Variants in CSMD1 observed in about 807,000 individuals in gnomAD.
The protein encoded by CSMD1 is CUB and Sushi multiple domains 1, also known as CUB and sushi domain-containing protein 1.
Under a neutral mutation model 417.5 loss-of-function variants are expected in CSMD1, and 213 were observed. The ratio of observed to expected loss-of-function variants is 0.51; its 90% CI spans 0.46 to 0.57. The LOEUF is 0.57. CSMD1 is among the 20% of genes least tolerant of loss of function. CSMD1 has a pLI of 0.00. For missense variants in CSMD1, 6,923 were observed against 4,529.7 expected (o/e 1.53, Z -15.17); for synonymous variants, 2,862 against 1,736.8 (o/e 1.65, Z -16.11).
rs565866319 is a variant in CSMD1, at chr8:4,350,862, T to C, written c.415+69091A>G. 2.5e-4 allele frequency among the ~76,000 whole-genome samples: 38 copies of C among 152,328 alleles called. No homozygotes were observed. The South Asian group carries it at 3.5e-3, about 14-fold the overall frequency. On this transcript the variant is annotated intron_variant, in intron 3 of 69. Transcript: ENST00000635120. Reference sequence around the variant, plus strand: ...TGGAGACACTATCTGCCAGTGGCTCTAGTTCCGGTGGATGGAGGGGAAAGG... The same window carrying C: ...TGGAGACACTATCTGCCAGTGGCTCCAGTTCCGGTGGATGGAGGGGAAAGG...
intron 10 of CSMD1, among the ~76,000 whole-genome samples, chr8:3,558,019 T>C (rs1293667410): frequency 6.6e-6 from 1 of 151,772 alleles, no homozygotes; most frequent in African/African-American, 2.4e-5. Context: ...CCTCCAATGA[T>C]GAATGGTGCC....
At chr8:3,672,117 G>C (rs1799101552) in intron 7 of CSMD1, among the ~76,000 whole-genome samples, 1 of 152,140 alleles carries the variant, frequency 6.6e-6, no homozygotes, top group Non-Finnish European at 1.5e-5. Flanking sequence ...TTCAAGGTTA[G>C]GTGCTGTCTA....
At chr8:4,117,989 G>A (rs188871324) in intron 3 of CSMD1, among the ~76,000 whole-genome samples, 36 of 151,590 alleles carry the variant, frequency 2.4e-4, no homozygotes, top group Admixed American at 2.1e-3. Flanking sequence ...ACAAGAGCAG[G>A]CACATGAGAA....
chr8:3,662,948 G>A (rs1165646352), intron 7 of CSMD1, among the ~76,000 whole-genome samples: 1 of 152,092 alleles, frequency 6.6e-6, no homozygotes, highest in Non-Finnish European at 1.5e-5. Flanking sequence ...TGGCACATGT[G>A]TTCCTATGTA....
At chr8:3,115,184 A>G (rs1365882810) in intron 42 of CSMD1, among the ~76,000 whole-genome samples, 1 of 147,168 alleles carries the variant, frequency 6.8e-6, no homozygotes, top group African/African-American at 2.6e-5. Context: ...TCATATTTTA[A>G]CAATTACAAT....
chr8:4,585,118 T>C (rs1344083785), intron 2 of CSMD1, among the ~76,000 whole-genome samples: 1 of 143,602 alleles, frequency 7.0e-6, no homozygotes, highest in Non-Finnish European at 1.5e-5. Context: ...AAAAGTACAA[T>C]AGAAAGAGAC....
At chr8:3,903,929 G>T (rs1414741219) in intron 5 of CSMD1, among the ~76,000 whole-genome samples, 1 of 151,872 alleles carries the variant, frequency 6.6e-6, no homozygotes, top group Admixed American at 6.6e-5. Context: ...TACCTCTTTG[G>T]TTCACTATTT....
intron 5 of CSMD1, among the ~76,000 whole-genome samples, chr8:3,835,439 AC>A (rs923746483): frequency 7.2e-5 from 11 of 152,092 alleles, no homozygotes; most frequent in Non-Finnish European, 1.5e-4. Flanking sequence ...GAAAGTGGAA[AC>A]CATCATTCTC....
intron 3 of CSMD1, among the ~76,000 whole-genome samples, chr8:4,107,049 A>T (rs560258907): frequency 2.0e-5 from 3 of 152,312 alleles, no homozygotes; most frequent in African/African-American, 7.2e-5. Context: ...CACGCGGCAC[A>T]TCTCCAAGCA....
chr8:3,105,523 GT>G (rs768495902), intron 46 of CSMD1, among the ~76,000 whole-genome samples: 5 of 152,186 alleles, frequency 3.3e-5, no homozygotes, highest in Admixed American at 6.5e-5. Context: ...CTTGAAAGTG[GT>G]GTCTATTAAT....
chr8:4,128,631 G>A (rs1004285645), intron 3 of CSMD1, among the ~76,000 whole-genome samples: 16 of 151,926 alleles, frequency 1.1e-4, no homozygotes, highest in African/African-American at 3.9e-4. Context: ...TTTTCCTCTT[G>A]AAGCTTTAGC....
At chr8:3,382,671 T>C (rs904768850) in intron 18 of CSMD1, among the ~76,000 whole-genome samples, 10 of 149,828 alleles carry the variant, frequency 6.7e-5, no homozygotes, top group African/African-American at 2.4e-4. Flanking sequence ...TGTATCTGCA[T>C]AGCTCATTTT....
intron 9 of CSMD1, among the ~76,000 whole-genome samples, chr8:3,583,497 T>A (rs968710772): frequency 6.6e-6 from 1 of 151,830 alleles, no homozygotes; most frequent in Non-Finnish European, 1.5e-5. Flanking sequence ...GGTTCTGTGA[T>A]TAGGTAGGAA....
intron 1 of CSMD1, among the ~76,000 whole-genome samples, chr8:4,986,907 T>G (rs1265337985): frequency 6.6e-6 from 1 of 152,140 alleles, no homozygotes; most frequent in Non-Finnish European, 1.5e-5. Flanking sequence ...TCACTTTTAT[T>G]GAAAGGAAGG....
intron 3 of CSMD1, among the ~76,000 whole-genome samples, chr8:4,035,467 T>C (rs929569101): frequency 2.1e-5 from 3 of 146,064 alleles, no homozygotes; most frequent in Admixed American, 2.0e-4. Flanking sequence ...GGAGGCATTA[T>C]TATCCTAGGA....
intron 2 of CSMD1, among the ~76,000 whole-genome samples, chr8:4,473,059 T>C (rs193259597): frequency 9.9e-5 from 15 of 152,282 alleles, no homozygotes; most frequent in Admixed American, 6.5e-5. Context: ...CATTAAGTGA[T>C]ATTTTAGGAT....
At chr8:4,199,735 G>C (rs1406844269) in intron 3 of CSMD1, among the ~76,000 whole-genome samples, 1 of 152,102 alleles carries the variant, frequency 6.6e-6, no homozygotes, top group Non-Finnish European at 1.5e-5. Flanking sequence ...CAGATGCTTT[G>C]ATCCTCTTAA....
intron 3 of CSMD1, among the ~76,000 whole-genome samples, chr8:4,117,848 G>C (rs1294913030): frequency 6.7e-6 from 1 of 150,222 alleles, no homozygotes; most frequent in Non-Finnish European, 1.5e-5. Flanking sequence ...CCAAACAAAA[G>C]ACAGAGACTC....
chr8:3,112,483 T>A (rs1816577913), intron 42 of CSMD1, among the ~76,000 whole-genome samples: 1 of 152,210 alleles, frequency 6.6e-6, no homozygotes, highest in African/African-American at 2.4e-5. Flanking sequence ...AACACATTCC[T>A]GATTCCAGTA....
Sources: gnomAD v4.1 joint callset for allele counts (sites outside exome capture counted in the v4.1 genomes callset) on GRCh38, gnomAD v4.1.1 for gene constraint, MANE v1.5 for transcripts, NCBI Gene and HGNC (gene_info 2026-07-23, HGNC 2026-07-21) for gene names.